The following BCAS3 variants were observed in gnomAD, a reference collection of about 807,000 sequenced individuals.
BCAS3 encodes BCAS3 microtubule associated cell migration factor.
A neutral mutation model predicts 116.1 loss-of-function variants in BCAS3; 53 were observed. The observed-to-expected ratio is 0.46, with a 90% CI of 0.37 to 0.57. The LOEUF is 0.57. BCAS3 is among the 20% of genes least tolerant of loss of function. BCAS3 has a pLI of 0.00. For synonymous variants in BCAS3, 391 were observed against 408.2 expected (o/e 0.96, Z 0.51); for missense variants, 917 against 1,165.4 (o/e 0.79, Z 3.10).
rs2143620714 is a variant in BCAS3, at chr17:61,381,402, A to G, written c.2594-10575A>G. ...CATCTGGACGGGCGGCGGCACCACC[A>G]CAATTAGCTGAGACTGTGATCCTTT... On this transcript the variant is annotated intron_variant, in intron 23 of 23. Transcript: ENST00000407086. The surrounding 1 kb of genome is among the most constrained non-coding windows in gnomAD (Gnocchi z 6.0). Among the ~76,000 whole-genome samples, 1 of 152,234 alleles carries G rather than the reference A, an allele frequency of 6.6e-6. No individual in the cohort carries two copies. Among genetic ancestry groups the G allele is most frequent in the African/African-American group, 2.4e-5 (1 of 41,542 alleles).
chr17:60,825,070 G>A, intron 7 of BCAS3, among the ~76,000 whole-genome samples: 1 of 151,854 alleles, frequency 6.6e-6, no homozygotes, highest in South Asian at 2.1e-4. Flanking sequence ...GGAGGCTGAG[G>A]TGGGAGGATT....
chr17:60,900,181 T>G, intron 10 of BCAS3: 1 of 136,630 alleles, frequency 7.3e-6, no homozygotes, highest in Non-Finnish European at 1.5e-5. Flanking sequence ...TGAGACGCTG[T>G]CTCTTAAAAA....
chr17:61,303,133 A>G (rs976406688), intron 22 of BCAS3, among the ~76,000 whole-genome samples: 1 of 152,242 alleles, frequency 6.6e-6, no homozygotes, highest in African/African-American at 2.4e-5. Flanking sequence ...CTGATACAGC[A>G]AAGCTGGGGG....
At chr17:60,918,063 T>C (rs2058867728) in intron 12 of BCAS3, among the ~76,000 whole-genome samples, 1 of 152,216 alleles carries the variant, frequency 6.6e-6, no homozygotes, top group Non-Finnish European at 1.5e-5. Context: ...TCACAGTGGC[T>C]GGACCATTTT....
At chr17:60,703,973 T>C (rs1367006512) in intron 4 of BCAS3, among the ~76,000 whole-genome samples, 1 of 149,918 alleles carries the variant, frequency 6.7e-6, no homozygotes, top group Admixed American at 6.6e-5. Flanking sequence ...GACTCTAATA[T>C]GATTTGAGAA....
chr17:61,045,985 ATAT>A (rs1304930291), intron 19 of BCAS3, among the ~76,000 whole-genome samples: 3 of 9,840 alleles, frequency 3.0e-4, no homozygotes, highest in African/African-American at 1.0e-3. Flanking sequence ...TATTATATAT[ATAT>A]TTATATATAT....
rs142214545 is a variant in BCAS3, at chr17:61,258,960, T to A, written c.2426-109367T>A. Among the ~76,000 whole-genome samples, 992 of 152,346 alleles carry A rather than the reference T, an allele frequency of 6.5e-3. 4 individuals carry two copies. Among genetic ancestry groups the A allele is most frequent in the African/African-American group, 0.023 (941 of 41,568 alleles). The stretch of plus-strand genomic sequence containing the variant: ...TTTGAGCTCTTGGGGATTCTTGTTT[T>A]GTTTCTGATTAAAAGATGAGTTTCC... On this transcript the variant is annotated intron_variant, in intron 22 of 23. Transcript: ENST00000407086. The surrounding 1 kb of genome is among the most constrained non-coding windows in gnomAD (Gnocchi z 4.7).
At chr17:60,903,583 G>A (rs1348862843) in intron 11 of BCAS3, among the ~76,000 whole-genome samples, 2 of 152,154 alleles carry the variant, frequency 1.3e-5, no homozygotes, top group East Asian at 1.9e-4. Flanking sequence ...AAGTAGCTGG[G>A]ACTACGGGCG....
intron 22 of BCAS3, among the ~76,000 whole-genome samples, chr17:61,341,052 G>T (rs2057117750): frequency 6.6e-6 from 1 of 152,204 alleles, no homozygotes; most frequent in Non-Finnish European, 1.5e-5. Flanking sequence ...AGGGTCATCT[G>T]TGTGAGTATG....
rs1314102698 is a variant in BCAS3, at chr17:60,853,907, GT to G, written c.477-14660del. ...TATATCACTTTTTTGTTTGTAAGTT[GT>G]TTTTTTTTATACTTTAAGTTCTAGG... On this transcript the variant is annotated intron_variant, in intron 7 of 23. Coordinates refer to ENST00000407086, the MANE Select transcript of BCAS3 (RefSeq NM_017679.5). Among the ~76,000 whole-genome samples the G allele has an allele frequency of 2.7e-5, 4 of 150,312 alleles. No individual in the cohort carries two copies. The South Asian group carries it at 6.4e-4, about 24-fold the overall frequency.
chr17:60,975,223 G>C (rs917162841), intron 14 of BCAS3, among the ~76,000 whole-genome samples: 2 of 151,168 alleles, frequency 1.3e-5, no homozygotes, highest in East Asian at 1.9e-4. Context: ...GGATGGTCTC[G>C]ATCTCCTGAC....
rs1393970909 is a variant in BCAS3, at chr17:61,346,742, T to G, written c.2426-21585T>G. ...ATAAGATAAAGCAATCAGTGCCAAG[T>G]GTAGGAGAAGGCATGAAGGCAAGCC... On this transcript the variant is annotated intron_variant, in intron 22 of 23. Coordinates refer to ENST00000407086, the MANE Select transcript of BCAS3 (RefSeq NM_017679.5). This position sits in a 1 kb window ranked among gnomAD's most constrained non-coding sequence, Gnocchi z 5.4. Among the ~76,000 whole-genome samples the G allele has an allele frequency of 6.6e-6, 1 of 152,218 alleles. No homozygotes were observed. The highest frequency in any genetic ancestry group is 1.5e-5 in the Non-Finnish European group (1 of 68,042).
intron 22 of BCAS3, among the ~76,000 whole-genome samples, chr17:61,152,949 C>T (rs2077621311): frequency 6.6e-6 from 1 of 152,182 alleles, no homozygotes; most frequent in South Asian, 2.1e-4. Flanking sequence ...GCCTTTTCTA[C>T]TTCCTTCTTT....
At chr17:60,830,723 T>C (rs1433082487) in intron 7 of BCAS3, among the ~76,000 whole-genome samples, 2 of 152,128 alleles carry the variant, frequency 1.3e-5, no homozygotes, top group African/African-American at 2.4e-5. Context: ...TTGAAAAAAT[T>C]ACAAACTTTG....
intron 22 of BCAS3, among the ~76,000 whole-genome samples, chr17:61,245,953 C>T (rs1333271534): frequency 6.6e-6 from 1 of 152,128 alleles, no homozygotes; most frequent in Non-Finnish European, 1.5e-5. Flanking sequence ...GGAAGGTCAC[C>T]TCCCCTAACG....
chr17:60,820,533 C>T (rs1191616479), intron 7 of BCAS3, among the ~76,000 whole-genome samples: 5 of 151,978 alleles, frequency 3.3e-5, no homozygotes, highest in Non-Finnish European at 7.4e-5. Context: ...CTTCATTCTA[C>T]AAAATTTCAC....
chr17:60,932,557 T>C (rs905009292), intron 13 of BCAS3, among the ~76,000 whole-genome samples: 5 of 151,172 alleles, frequency 3.3e-5, no homozygotes, highest in Admixed American at 2.6e-4. Flanking sequence ...CTGGCTAACA[T>C]GGTGAAACCC....
At chr17:61,043,985 G>A (rs1249465919) in intron 19 of BCAS3, among the ~76,000 whole-genome samples, 3 of 151,838 alleles carry the variant, frequency 2.0e-5, no homozygotes, top group Non-Finnish European at 4.4e-5. Context: ...AGCACTTCAA[G>A]CTCCACTACT....
At position 60,728,679 on chromosome 17, in the gene BCAS3, C is replaced by G. The variant is rs566250160; in HGVS notation, c.322-18519C>G. 3.9e-5 allele frequency among the ~76,000 whole-genome samples: 6 copies of G among 152,124 alleles called. No individual in the cohort carries two copies. The East Asian group carries it at 7.8e-4, about 20-fold the overall frequency. On this transcript the variant is annotated intron_variant, in intron 5 of 23. Coordinates refer to ENST00000407086, the MANE Select transcript of BCAS3 (RefSeq NM_017679.5). Reference sequence around the variant, plus strand: ...ACTTTTAGTAGAGACGGGGTTTCACCATGTTGGTCAGGCTGGTCTCGGACT... The same window carrying G: ...ACTTTTAGTAGAGACGGGGTTTCACGATGTTGGTCAGGCTGGTCTCGGACT...
Sources: gnomAD v4.1 joint callset for allele counts (sites outside exome capture counted in the v4.1 genomes callset) on GRCh38, gnomAD v4.1.1 for gene constraint, Gnocchi (gnomAD v3.1) non-coding constraint, MANE v1.5 for transcripts, NCBI Gene and HGNC (gene_info 2026-07-23, HGNC 2026-07-21) for gene names.